The following THEMIS2 variants were observed in gnomAD, a reference collection of about 807,000 sequenced individuals.
THEMIS2 encodes the protein protein THEMIS2.
THEMIS2 carries 29 observed loss-of-function variants against 46.8 expected under a neutral mutation model. That is an observed-to-expected ratio of 0.62 (90% CI 0.46 to 0.84). The LOEUF (loss-of-function observed/expected upper bound fraction) is 0.84. THEMIS2 is among the 40% of genes least tolerant of loss of function. The probability of loss-of-function intolerance (pLI) is 0.00; values close to 1 mark genes in which losing one functional copy is unlikely to be tolerated. For synonymous variants in THEMIS2, 335 were observed against 349.1 expected (o/e 0.96, Z 0.45); for missense variants, 698 against 834.7 (o/e 0.84, Z 2.02).
chr1:27,878,083 G>A (rs1197679770), intron 2 of THEMIS2, among the ~76,000 whole-genome samples: 2 of 146,476 alleles, frequency 1.4e-5, no homozygotes, highest in Admixed American at 6.9e-5. Flanking sequence ...CTGGGAGGTG[G>A]AGGTTGCAGC....
In THEMIS2 at chr1:27,886,018, C is replaced by A; in HGVS notation, c.*96C>A. On this transcript the variant is annotated 3_prime_UTR_variant, in exon 6 of 6. Transcript: ENST00000373921. ...TCTAAAAGACCTCGGGCAAGTCTCA[C>A]AGAAACTGAGCTGCAGACGGGGAGT... 1.7e-6 allele frequency: 2 copies of A among 1,191,116 alleles called. No homozygotes were observed. The highest frequency in any genetic ancestry group is 2.5e-6 in the Non-Finnish European group (2 of 805,700). The allele number at this position is 1,191,116 out of a possible 1,614,324, so 73.8% of individuals were successfully genotyped here. A position where few individuals can be genotyped will look rare whatever the true frequency, so the allele number is the denominator to read the frequency against.
rs2148642842 is a variant in THEMIS2 at position 27,883,385 on chromosome 1, C to T, written c.1719+342C>T. 3 of 239,126 alleles carry T rather than the reference C, an allele frequency of 1.3e-5. No homozygotes were observed. In the South Asian group the frequency reaches 2.8e-4, roughly 22 times the overall value. The allele number at this position is 239,126 out of a possible 1,614,324, so 14.8% of individuals were successfully genotyped here. On this transcript the variant is annotated intron_variant, in intron 4 of 5. Coordinates refer to ENST00000373921, the MANE Select transcript of THEMIS2 (RefSeq NM_001105556.3). ...GCTGCCTTCACTCCCTAGTTCGAGC[C>T]TCATCATTTTTCTCCTAAACTACTT...
In THEMIS2 at chr1:27,875,727, G is replaced by A. The variant is rs897074575; in HGVS notation, c.95-861G>A. Among the ~76,000 whole-genome samples, 3 of 151,810 alleles carry A rather than the reference G, an allele frequency of 2.0e-5. No individual in the cohort carries two copies. In the South Asian group the frequency reaches 6.2e-4, roughly 32 times the overall value. On this transcript the variant is annotated intron_variant, in intron 1 of 5. Transcript: ENST00000373921. ...TTTATTATTTTTTTTTTGAGACGGAGTCTCACTCTGTCACCCAGGCTGGAG... is the reference window on the plus strand; with the variant it reads ...TTTATTATTTTTTTTTTGAGACGGAATCTCACTCTGTCACCCAGGCTGGAG...
intron 2 of THEMIS2, among the ~76,000 whole-genome samples, chr1:27,877,380 C>T (rs983704483): frequency 2.6e-5 from 4 of 152,064 alleles, no homozygotes; most frequent in Admixed American, 2.6e-4. Flanking sequence ...AGCTGGAGTG[C>T]AGTGGCGTGA....
chr1:27,881,827 A>G, intron 3 of THEMIS2, 144 bp from the exon 4 acceptor site: 1 of 636,782 alleles, frequency 1.6e-6, no homozygotes, highest in Non-Finnish European at 2.6e-6. Flanking sequence ...CTCCATCTCG[A>G]GTGAAACTCC....
At chr1:27,874,391 A>G (rs2089541983) in intron 1 of THEMIS2, among the ~76,000 whole-genome samples, 1 of 152,070 alleles carries the variant, frequency 6.6e-6, no homozygotes, top group Non-Finnish European at 1.5e-5. Flanking sequence ...TTATAATCTC[A>G]ACACTTTGGG....
chr1:27,880,749 T>C (rs2089665676), intron 3 of THEMIS2, among the ~76,000 whole-genome samples: 1 of 152,170 alleles, frequency 6.6e-6, no homozygotes, highest in Non-Finnish European at 1.5e-5. Flanking sequence ...ATCACACCCT[T>C]GCACTCCAGC....
intron 2 of THEMIS2, among the ~76,000 whole-genome samples, chr1:27,877,420 G>A (rs1319441838): frequency 6.6e-6 from 1 of 152,070 alleles, no homozygotes; most frequent in Non-Finnish European, 1.5e-5. Flanking sequence ...CTGCCTCCCG[G>A]GTTCCCACCA....
rs1258546442 is a variant in THEMIS2, at chr1:27,879,795, C to T, written c.387C>T (p.Leu129=). 6.2e-7 allele frequency: 1 copy of T among 1,614,114 alleles called. No individual in the cohort carries two copies. Among genetic ancestry groups the T allele is most frequent in the Admixed American group, 1.7e-5 (1 of 60,012 alleles). Residue 129 remains leucine, a synonymous_variant, in exon 3 of 6, where the codon CTC becomes CTT. Coordinates refer to ENST00000373921, the MANE Select transcript of THEMIS2 (RefSeq NM_001105556.3). ...TEGRVVTEDQ[L]LMLEAVVMHL... The stretch of plus-strand genomic sequence containing the variant: ...GCAGGGTGGTGACTGAGGACCAGCT[C>T]CTCATGCTTGAGGCTGTGGTGATGC...
chr1:27,883,021 A>G lies in THEMIS2; in HGVS notation c.1697A>G (p.His566Arg), dbSNP rs750966972. The G allele has an allele frequency of 3.1e-6, 5 of 1,613,418 alleles. No individual in the cohort carries two copies. In the African/African-American group the frequency reaches 5.3e-5, roughly 17 times the overall value. Residue 566 changes from histidine (H) to arginine (R), a missense_variant, in exon 4 of 6, where the codon CAC (histidine) becomes CGC (arginine). Coordinates refer to ENST00000373921, the MANE Select transcript of THEMIS2 (RefSeq NM_001105556.3). ...KNQGLSKQRR[H>R]SSEGGVKSSQ... The stretch of plus-strand genomic sequence containing the variant: ...CAGGGCCTCAGCAAGCAGAGGAGAC[A>G]CAGCAGTGAGGGAGGCGTCAAGGTA...
chr1:27,875,297 G>A (rs1053908558), intron 1 of THEMIS2, among the ~76,000 whole-genome samples: 2 of 152,150 alleles, frequency 1.3e-5, no homozygotes, highest in African/African-American at 4.8e-5. Flanking sequence ...CATTATTTAG[G>A]AAATTGAAAC....
At chr1:27,885,560 C>A in intron 5 of THEMIS2, 109 bp downstream of exon 5, 2 of 1,368,994 alleles carry the variant, frequency 1.5e-6, no homozygotes, top group Non-Finnish European at 9.7e-7. Flanking sequence ...TTCTATGGTC[C>A]CAGTTTGATG....
chr1:27,882,466 A>T lies in THEMIS2; in HGVS notation c.1142A>T (p.Gln381Leu). ...GDRLEVLGPGQAHGAQGSDVD... is the reference protein window; with the variant it reads ...GDRLEVLGPGLAHGAQGSDVD... ...CGGCTGGAGGTGCTGGGGCCTGGCC[A>T]GGCCCATGGGGCCCAGGGCAGTGAC... Residue 381 changes from glutamine (Q) to leucine (L), a missense_variant, in exon 4 of 6, where the codon CAG (glutamine) becomes CTG (leucine). Physicochemically the swap from Gln to Leu is moderately radical, Grantham distance 113 (BLOSUM62 -2). Coordinates refer to ENST00000373921, the MANE Select transcript of THEMIS2 (RefSeq NM_001105556.3). This position sits in a 1 kb window ranked among gnomAD's most constrained non-coding sequence, Gnocchi z 7.6. 1 of 1,613,092 alleles carries T rather than the reference A, an allele frequency of 6.2e-7. No homozygotes were observed. Among genetic ancestry groups the T allele is most frequent in the Non-Finnish European group, 8.5e-7 (1 of 1,179,226 alleles).
intron 3 of THEMIS2, 117 bp downstream of exon 3, chr1:27,880,171 A>G: frequency 8.2e-7 from 1 of 1,221,688 alleles, no homozygotes; most frequent in Non-Finnish European, 1.1e-6. Flanking sequence ...CTGGAACTTC[A>G]GGTTGCTCCC....
intron 3 of THEMIS2, among the ~76,000 whole-genome samples, 199 bp downstream of exon 3, chr1:27,880,253 A>G (rs925565907): frequency 4.6e-5 from 7 of 152,082 alleles, no homozygotes; most frequent in African/African-American, 1.2e-4. Flanking sequence ...CTGGAGTGCA[A>G]TGGTGTGATC....
In THEMIS2 at chr1:27,886,171, G is replaced by A; in HGVS notation, c.*249G>A. ...GACTCCCTCAGCCTCAGAGCCTTGG[G>A]ATGCAGAGCAGCTGGCAGGGTTCCT... On this transcript the variant is annotated 3_prime_UTR_variant, in exon 6 of 6. Coordinates refer to ENST00000373921, the MANE Select transcript of THEMIS2 (RefSeq NM_001105556.3). 1 of 518,284 alleles carries A rather than the reference G, an allele frequency of 1.9e-6. No homozygotes were observed. Among genetic ancestry groups the A allele is most frequent in the Non-Finnish European group, 3.5e-6 (1 of 288,308 alleles). The allele number at this position is 518,284 out of a possible 1,614,324, so 32.1% of individuals were successfully genotyped here. A position where few individuals can be genotyped will look rare whatever the true frequency, so the allele number is the denominator to read the frequency against.
At chr1:27,881,817 C>T (rs1276079857) in intron 3 of THEMIS2, among the ~76,000 whole-genome samples, 154 bp from the exon 4 acceptor site, 2 of 150,934 alleles carry the variant, frequency 1.3e-5, no homozygotes, top group African/African-American at 4.9e-5. Context: ...GACAAGGGCA[C>T]TCCATCTCGA....
rs766403774 is a variant in THEMIS2 at position 27,879,984 on chromosome 1, C to A, written c.576C>A (p.Leu192=). Residue 192 remains leucine (L), a synonymous_variant, in exon 3 of 6, where the codon CTC becomes CTA. Coordinates refer to ENST00000373921, the MANE Select transcript of THEMIS2 (RefSeq NM_001105556.3). ...LQDPALKDLV[L]TCPTLPWHSL... ...ATCCAGCCCTGAAAGACCTCGTCCT[C>A]ACCTGCCCCACCCTGCCCTGGCATT... 2 of 1,612,258 alleles carry A rather than the reference C, an allele frequency of 1.2e-6. No homozygotes were observed. Among genetic ancestry groups the A allele is most frequent in the Non-Finnish European group, 1.7e-6 (2 of 1,179,056 alleles).
chr1:27,885,427 G>A lies in THEMIS2; in HGVS notation c.1852G>A (p.Ala618Thr), dbSNP rs147739833. ...IPAHRKGHRP[A>T]KPQRQDLDDD... is the part of the protein sequence containing the mutation. ...TGCCCACAGGAAGGGCCACAGGCCC[G>A]CTAAGCCCCAAAGGCAGGATCTAGG... Residue 618 changes from alanine (A) to threonine (T), a missense_variant, in exon 5 of 6, where the codon GCT becomes ACT. Physicochemically the swap from Ala to Thr is moderately conservative, Grantham distance 58. Coordinates refer to ENST00000373921, the MANE Select transcript of THEMIS2 (RefSeq NM_001105556.3). 38 of 1,613,842 alleles carry A rather than the reference G, an allele frequency of 2.4e-5. No individual in the cohort carries two copies. The highest frequency in any genetic ancestry group is 1.7e-4 in the Middle Eastern group (1 of 6,040).
Sources: gnomAD v4.1 joint callset for allele counts (sites outside exome capture counted in the v4.1 genomes callset) on GRCh38, gnomAD v4.1.1 for gene constraint, Gnocchi (gnomAD v3.1) non-coding constraint, MANE v1.5 for transcripts, NCBI Gene and HGNC (gene_info 2026-07-23, HGNC 2026-07-21) for gene names.